Variants in SLC25A33 observed in about 807,000 individuals in gnomAD.
SLC25A33 encodes the protein bone marrow stromal cell mitochondrial carrier protein.
In SLC25A33, 15 loss-of-function variants were observed where a neutral mutation model predicts 35.5. The observed-to-expected ratio is 0.42, with a 90% CI of 0.28 to 0.65. SLC25A33 has a LOEUF of 0.65. Among genes scored for constraint, SLC25A33 ranks in the 30% least tolerant of loss-of-function variants. The pLI is 0.20. For synonymous variants in SLC25A33, 136 were observed against 148.7 expected (o/e 0.91, Z 0.62); for missense variants, 257 against 398.5 (o/e 0.64, Z 3.02).
rs1392553712 is a variant in SLC25A33 at position 9,578,079 on chromosome 1, G to A, written c.483-1875G>A. Among the ~76,000 whole-genome samples the A allele has an allele frequency of 4.6e-5, 7 of 152,046 alleles. No individual in the cohort carries two copies. The highest frequency in any genetic ancestry group is 1.9e-4 in the East Asian group (1 of 5,178). On this transcript the variant is annotated intron_variant, in intron 5 of 6. Coordinates refer to ENST00000302692, the MANE Select transcript of SLC25A33 (RefSeq NM_032315.3). This position sits in a 1 kb window ranked among gnomAD's most constrained non-coding sequence, Gnocchi z 4.3. ...CTGGGAAGTGCCCGCCACCATGCCCGGCTAATTTTTTGTATTTTTTAGTAG... is the reference window on the plus strand; with the variant it reads ...CTGGGAAGTGCCCGCCACCATGCCCAGCTAATTTTTTGTATTTTTTAGTAG...
At chr1:9,576,894 T>C in intron 5 of SLC25A33, 1 of 1,299,556 alleles carries the variant, frequency 7.7e-7, no homozygotes. Flanking sequence ...GTTGCCTTGA[T>C]TCAGCAAGCC....
intron 4 of SLC25A33, among the ~76,000 whole-genome samples, chr1:9,571,529 G>A (rs1189104489): frequency 3.3e-5 from 5 of 151,988 alleles, no homozygotes; most frequent in Admixed American, 1.3e-4. Context: ...TGCCTGCCTC[G>A]GCCTCCCAAA....
chr1:9,569,076 T>A (rs939405541), intron 3 of SLC25A33, among the ~76,000 whole-genome samples: 4 of 151,720 alleles, frequency 2.6e-5, no homozygotes, highest in African/African-American at 9.7e-5. Flanking sequence ...TGAAACCCCA[T>A]CTCTACAAAA....
chr1:9,576,943 C>CTT (rs1214457952), intron 5 of SLC25A33: 2 of 1,290,012 alleles, frequency 1.6e-6, no homozygotes, highest in East Asian at 4.9e-5. Flanking sequence ...GGGATGGTAT[C>CTT]TATGTCTCTG....
chr1:9,562,397 T>C (rs1454195231), intron 2 of SLC25A33, among the ~76,000 whole-genome samples: 3 of 150,756 alleles, frequency 2.0e-5, no homozygotes, highest in African/African-American at 4.9e-5. Context: ...TTGTCTATAA[T>C]CTCATCTACT....
rs753204032 is a variant in SLC25A33 at position 9,582,552 on chromosome 1, A to AT, written c.*59dup. The AT allele has an allele frequency of 3.3e-6, 5 of 1,527,070 alleles. No homozygotes were observed. Among genetic ancestry groups the AT allele is most frequent in the Non-Finnish European group, 3.5e-6 (4 of 1,129,844 alleles). 94.6% of individuals were successfully genotyped at this position (1,527,070 alleles called of 1,614,324 possible). A position where few individuals can be genotyped will look rare whatever the true frequency, so the allele number is the denominator to read the frequency against. Reference sequence around the variant, plus strand: ...GAATAAAACTGAAAAACTCTAGAGAATTTTTTTTCCCCATTGATGTTTAGA... The same window carrying AT: ...GAATAAAACTGAAAAACTCTAGAGAATTTTTTTTTCCCCATTGATGTTTAGA... On this transcript the variant is annotated 3_prime_UTR_variant, in exon 7 of 7. Coordinates refer to ENST00000302692, the MANE Select transcript of SLC25A33 (RefSeq NM_032315.3). This position sits in a 1 kb window ranked among gnomAD's most constrained non-coding sequence, Gnocchi z 4.0.
chr1:9,573,483 A>C, intron 5 of SLC25A33, 71 bp downstream of exon 5: 1 of 1,261,832 alleles, frequency 7.9e-7, no homozygotes. Context: ...CAATTCCTCC[A>C]CATCTCTAAG....
chr1:9,544,522 G>A (rs1240786731), intron 1 of SLC25A33, among the ~76,000 whole-genome samples: 1 of 152,032 alleles, frequency 6.6e-6, no homozygotes, highest in East Asian at 1.9e-4. Flanking sequence ...GCCCATCTCA[G>A]CCTCCAAAAG....
At chr1:9,559,401 T>C (rs1176891611) in intron 2 of SLC25A33, among the ~76,000 whole-genome samples, 1 of 152,158 alleles carries the variant, frequency 6.6e-6, no homozygotes, top group Non-Finnish European at 1.5e-5. Context: ...GTCAGGAAGA[T>C]ATTGCATATA....
chr1:9,579,406 T>C (rs1218090240), intron 5 of SLC25A33, among the ~76,000 whole-genome samples: 4 of 150,732 alleles, frequency 2.7e-5, no homozygotes, highest in African/African-American at 9.8e-5. Flanking sequence ...GGGGTTCCCA[T>C]GACCCTCTCT....
chr1:9,550,771 T>C (rs961647085), intron 1 of SLC25A33, among the ~76,000 whole-genome samples: 6 of 151,908 alleles, frequency 3.9e-5, no homozygotes, highest in Admixed American at 3.9e-4. Context: ...CTCCTGGTCT[T>C]AAGCCATCCT....
Position 9,583,983 on chromosome 1 carries a change from C to CAA in SLC25A33, c.*1482_*1483insAA. The CAA allele has an allele frequency of 6.8e-6, 1 of 146,466 alleles. No individual in the cohort carries two copies. The highest frequency in any genetic ancestry group is 1.5e-5 in the Non-Finnish European group (1 of 66,936). The allele number at this position is 146,466 out of a possible 1,614,324, so 9.1% of individuals were successfully genotyped here. Reference sequence around the variant, plus strand: ...GCACTCCAGCCTGGGCCACAGAGTGCGACTCCATCTCAAAAAAAAAAAAAA... The same window carrying CAA: ...GCACTCCAGCCTGGGCCACAGAGTGCAAGACTCCATCTCAAAAAAAAAAAAAA... On this transcript the variant is annotated 3_prime_UTR_variant, in exon 7 of 7. Coordinates refer to ENST00000302692, the MANE Select transcript of SLC25A33 (RefSeq NM_032315.3).
chr1:9,561,590 A>G (rs940716740), intron 2 of SLC25A33, among the ~76,000 whole-genome samples: 12 of 152,150 alleles, frequency 7.9e-5, no homozygotes, highest in African/African-American at 2.9e-4. Context: ...ATTATGTAAC[A>G]GATTTGGCTT....
chr1:9,574,503 T>A (rs1467183075), intron 5 of SLC25A33, among the ~76,000 whole-genome samples: 1 of 152,216 alleles, frequency 6.6e-6, no homozygotes, highest in Non-Finnish European at 1.5e-5. Context: ...TTCTAAGAAA[T>A]GATAAACAGT....
intron 1 of SLC25A33, among the ~76,000 whole-genome samples, chr1:9,541,158 CTT>C (rs1254595690): frequency 3.8e-5 from 5 of 133,080 alleles, no homozygotes; most frequent in Admixed American, 7.6e-5. Flanking sequence ...TTTTTTTTTT[CTT>C]TTTTTTTTTT....
At position 9,570,328 on chromosome 1, in the gene SLC25A33, A is replaced by C. The variant is rs746788560; in HGVS notation, c.385A>C (p.Ile129Leu). 6.2e-7 allele frequency: 1 copy of C among 1,614,062 alleles called. No homozygotes were observed. Among genetic ancestry groups the C allele is most frequent in the East Asian group, 2.2e-5 (1 of 44,884 alleles). ...FNGIFVPNSN[I>L]VHIFSAGSAA... ...TGGCATTTTCGTGCCTAACAGCAAT[A>C]TTGTGCATATTTTCTCAGCTGGCTC... The change falls in exon 4 of 7, where the codon ATT becomes CTT. Residue 129 changes from isoleucine (I) to leucine (L), a missense_variant. By Grantham distance (5) the Ile-to-Leu change is conservative. Coordinates refer to ENST00000302692, the MANE Select transcript of SLC25A33 (RefSeq NM_032315.3).
At position 9,553,769 on chromosome 1, in the gene SLC25A33, C is replaced by T; in HGVS notation, c.200C>T (p.Pro67Leu). ...ATTAGTGGAGCTGGAATGGTGAGAC[C>T]AACATCCGTGACACCTGGACTCTTT... ...GTISGAGMVR[P>L]TSVTPGLFQV... The change falls in exon 2 of 7, where the codon CCA (proline) becomes CTA (leucine). Residue 67 changes from proline (P) to leucine (L), a missense_variant. Coordinates refer to ENST00000302692, the MANE Select transcript of SLC25A33 (RefSeq NM_032315.3). The T allele has an allele frequency of 1.2e-6, 2 of 1,614,116 alleles. No homozygotes were observed. The highest frequency in any genetic ancestry group is 8.5e-7 in the Non-Finnish European group (1 of 1,180,034).
At chr1:9,562,993 A>T (rs1193405148) in intron 2 of SLC25A33, among the ~76,000 whole-genome samples, 1 of 140,894 alleles carries the variant, frequency 7.1e-6, no homozygotes, top group African/African-American at 2.7e-5. Context: ...ATCTCGGCTC[A>T]CTGCAAGCTC....
chr1:9,544,310 C>G (rs1280555574), intron 1 of SLC25A33, among the ~76,000 whole-genome samples: 1 of 150,286 alleles, frequency 6.7e-6, no homozygotes, highest in African/African-American at 2.4e-5. Context: ...TCTGTGTAGC[C>G]CAGGCTGGAG....
Sources: allele counts gnomAD v4.1 joint callset (sites outside exome capture counted in the v4.1 genomes callset), GRCh38; gene constraint gnomAD v4.1.1; non-coding constraint Gnocchi (gnomAD v3.1); transcripts MANE v1.5; gene names NCBI Gene and HGNC (gene_info 2026-07-23, HGNC 2026-07-21).